The following MSANTD3 variants were observed in gnomAD, a reference collection of about 807,000 sequenced individuals.
MSANTD3 encodes Myb/SANT DNA binding domain containing 3.
A neutral mutation model predicts 27.7 loss-of-function variants in MSANTD3; 11 were observed. That is an observed-to-expected ratio of 0.40 (90% CI 0.25 to 0.66). MSANTD3 has a LOEUF of 0.66. Among genes scored for constraint, MSANTD3 ranks in the 30% least tolerant of loss-of-function variants. MSANTD3 has a pLI of 0.41. For synonymous variants in MSANTD3, 131 were observed against 127.2 expected (o/e 1.03, Z -0.20); for missense variants, 250 against 336.5 (o/e 0.74, Z 2.01).
Position 100,427,250 on chromosome 9 carries a change from G to GCGCTGC in MSANTD3, c.-174_-173insTGCCGC. On this transcript the variant is annotated 5_prime_UTR_variant, in exon 1 of 3. Coordinates refer to ENST00000395067, the MANE Select transcript of MSANTD3 (RefSeq NM_080655.3). ...CGGCGGGGCCTGGCCGGCCGGGGGC[G>GCGCTGC]CGCCGCCGCCGCCGCCGCCGCCCGG... The GCGCTGC allele has an allele frequency of 6.9e-6, 1 of 145,460 alleles. No homozygotes were observed. The highest frequency in any genetic ancestry group is 2.1e-4 in the South Asian group (1 of 4,758). The allele number at this position is 145,460 out of a possible 1,614,324, so 9.0% of individuals were successfully genotyped here.
At chr9:100,440,698 C>T (rs1836594753) in intron 1 of MSANTD3, among the ~76,000 whole-genome samples, 1 of 149,970 alleles carries the variant, frequency 6.7e-6, no homozygotes, top group Non-Finnish European at 1.5e-5. Context: ...TCAAGCAGTC[C>T]TCCTACCTCA....
intron 2 of MSANTD3, among the ~76,000 whole-genome samples, chr9:100,443,897 A>G (rs1333534713): frequency 2.6e-5 from 4 of 152,220 alleles, no homozygotes; most frequent in African/African-American, 9.7e-5. Flanking sequence ...AGGTGCTTCA[A>G]GGACCCAGCA....
intron 2 of MSANTD3, chr9:100,448,337 A>G (rs1836807017): frequency 2.5e-5 from 25 of 985,290 alleles, no homozygotes; most frequent in Non-Finnish European, 3.0e-5. Context: ...AGAGACTAGA[A>G]GTACCACAAA....
At chr9:100,435,625 A>T (rs1836463437) in intron 1 of MSANTD3, among the ~76,000 whole-genome samples, 1 of 152,120 alleles carries the variant, frequency 6.6e-6, no homozygotes, top group Admixed American at 6.6e-5. Context: ...TCATCCTGAG[A>T]TCTCTTCTGT....
intron 1 of MSANTD3, among the ~76,000 whole-genome samples, chr9:100,435,003 A>G (rs1360488589): frequency 6.6e-6 from 1 of 152,218 alleles, no homozygotes; most frequent in Non-Finnish European, 1.5e-5. Context: ...GCGCACACAC[A>G]CAGTATTATT....
intron 1 of MSANTD3, 46 bp from the exon 2 acceptor site, chr9:100,441,860 G>A: frequency 4.0e-6 from 6 of 1,517,398 alleles, no homozygotes; most frequent in Non-Finnish European, 5.3e-6. Context: ...TATAGGCATT[G>A]TTTTTGCTGG....
At chr9:100,443,578 CTTTAAG>C (rs1337336040) in intron 2 of MSANTD3, among the ~76,000 whole-genome samples, 9 of 152,020 alleles carry the variant, frequency 5.9e-5, no homozygotes, top group East Asian at 1.9e-4. Context: ...AAGAAATTAA[CTTTAAG>C]TTTAATATAC....
intron 2 of MSANTD3, among the ~76,000 whole-genome samples, chr9:100,445,648 T>C (rs1169063286): frequency 2.0e-5 from 3 of 152,190 alleles, no homozygotes; most frequent in Non-Finnish European, 4.4e-5. Context: ...TCCAACACCT[T>C]ACAGGGTACC....
intron 2 of MSANTD3, chr9:100,449,144 A>G: frequency 1.0e-6 from 1 of 985,448 alleles, no homozygotes; most frequent in Non-Finnish European, 1.2e-6. Context: ...TTCTCAAGAA[A>G]GCCTTAGAGT....
rs906662023 is a variant in MSANTD3, at chr9:100,431,599, C to T, written c.-34+4206C>T. On this transcript the variant is annotated intron_variant, in intron 1 of 2. Transcript: ENST00000395067. ...TTACAGGTGTGAGCCACTGTGCCTG[C>T]GTCCCCACTCCCAACTTTTTTTTTA... Among the ~76,000 whole-genome samples, 5 of 151,418 alleles carry T rather than the reference C, an allele frequency of 3.3e-5. No homozygotes were observed. The South Asian group carries it at 6.3e-4, about 19-fold the overall frequency.
chr9:100,446,434 C>T (rs1836754579), intron 2 of MSANTD3, among the ~76,000 whole-genome samples: 1 of 152,152 alleles, frequency 6.6e-6, no homozygotes, highest in African/African-American at 2.4e-5. Flanking sequence ...TATCCTTTTA[C>T]ATGTGTTTTG....
At chr9:100,441,878 A>G (rs1250918717) in intron 1 of MSANTD3, 28 bp from the exon 2 acceptor site, 2 of 1,529,542 alleles carry the variant, frequency 1.3e-6, no homozygotes, top group African/African-American at 1.4e-5. Context: ...TGGAGTTGGT[A>G]ATCATTGCTT....
intron 2 of MSANTD3, chr9:100,448,649 C>G: frequency 3.0e-6 from 3 of 985,388 alleles, no homozygotes; most frequent in Non-Finnish European, 3.6e-6. Context: ...TGAGCAGAAG[C>G]AATCTCTGTC....
intron 1 of MSANTD3, among the ~76,000 whole-genome samples, chr9:100,431,301 CTTT>C (rs34098873): frequency 5.4e-5 from 7 of 128,592 alleles, no homozygotes; most frequent in Admixed American, 8.0e-5. Context: ...CATGCCTAGC[CTTT>C]TTTTTTTTTT....
intron 2 of MSANTD3, among the ~76,000 whole-genome samples, chr9:100,442,898 T>A (rs1195231100): frequency 2.0e-5 from 3 of 152,008 alleles, no homozygotes; most frequent in Non-Finnish European, 4.4e-5. Flanking sequence ...TTATTATTAC[T>A]TAAACATAAA....
At chr9:100,433,157 A>G (rs1836409201) in intron 1 of MSANTD3, among the ~76,000 whole-genome samples, 1 of 152,152 alleles carries the variant, frequency 6.6e-6, no homozygotes, top group African/African-American at 2.4e-5. Flanking sequence ...TGAAGCCTTG[A>G]TTTCAGACTC....
At chr9:100,449,686 G>C (rs1166181658) in intron 2 of MSANTD3, among the ~76,000 whole-genome samples, 2 of 152,158 alleles carry the variant, frequency 1.3e-5, no homozygotes, top group Admixed American at 6.5e-5. Flanking sequence ...AGTCAGACAA[G>C]AAAGAAAGGA....
chr9:100,450,496 G>GTTT, intron 2 of MSANTD3, 61 bp from the exon 3 acceptor site: 3 of 1,112,322 alleles, frequency 2.7e-6, no homozygotes, highest in South Asian at 1.9e-5. Flanking sequence ...AATAGGATTG[G>GTTT]TTTTTTTTTT....
chr9:100,431,990 A>T (rs1052603583), intron 1 of MSANTD3, among the ~76,000 whole-genome samples: 13 of 152,056 alleles, frequency 8.5e-5, no homozygotes, highest in Non-Finnish European at 1.3e-4. Context: ...ATGGTTTAAG[A>T]TGGAGTGTGG....
Sources: allele counts gnomAD v4.1 joint callset (sites outside exome capture counted in the v4.1 genomes callset), GRCh38; gene constraint gnomAD v4.1.1; transcripts MANE v1.5; gene names NCBI Gene and HGNC (gene_info 2026-07-23, HGNC 2026-07-21).